Variants in NR1D2 observed in about 807,000 individuals in gnomAD.
NR1D2 encodes the protein V-erbA-related protein 1-related.
A neutral mutation model predicts 52.2 loss-of-function variants in NR1D2; 25 were observed. The ratio of observed to expected loss-of-function variants is 0.48; its 90% CI spans 0.35 to 0.67. The LOEUF (loss-of-function observed/expected upper bound fraction) is 0.67, where lower values mean the gene tolerates loss of function less well. Among genes scored for constraint, NR1D2 ranks in the 30% least tolerant of loss-of-function variants. The probability of loss-of-function intolerance (pLI) is 0.01; values close to 1 mark genes in which losing one functional copy is unlikely to be tolerated. For missense variants in NR1D2, 681 were observed against 707.2 expected (o/e 0.96, Z 0.42); for synonymous variants, 259 against 230.1 (o/e 1.13, Z -1.14).
chr3:23,946,289 G>C, intron 1 of NR1D2: 14 of 985,512 alleles, frequency 1.4e-5, no homozygotes, highest in Non-Finnish European at 1.6e-5. Context: ...CAAACCAAAC[G>C]AACCGGCGCC....
Position 23,962,087 on chromosome 3 carries a change from G to T in NR1D2, c.628G>T (p.Asp210Tyr). 1 of 1,614,170 alleles carries T rather than the reference G, an allele frequency of 6.2e-7. No individual in the cohort carries two copies. The highest frequency in any genetic ancestry group is 8.5e-7 in the Non-Finnish European group (1 of 1,180,022). ...NSQFSGHLQN[D>Y]TLVEHHEQTA... ...CCAGTTCAGTGGTCACTTGCAAAAT[G>T]ACACATTAGTAGAACATCATGAACA... The change falls in exon 5 of 8, where the codon GAC (aspartate) becomes TAC (tyrosine). Residue 210 changes from aspartate (D) to tyrosine (Y), a missense_variant. Physicochemically the swap from Asp to Tyr is radical, Grantham distance 160 (BLOSUM62 -3). Around this residue, in one of 3 missense-constraint regions of NR1D2, gnomAD observed 475 missense variants for 454.5 expected, o/e 1.05. Coordinates refer to ENST00000312521, the MANE Select transcript of NR1D2 (RefSeq NM_005126.5).
At chr3:23,949,509 C>G (rs1016102407) in intron 1 of NR1D2, among the ~76,000 whole-genome samples, 3 of 152,220 alleles carry the variant, frequency 2.0e-5, no homozygotes, top group African/African-American at 7.2e-5. Flanking sequence ...TTTCTGCCCT[C>G]TTTAGTATGA....
chr3:23,950,545 C>G (rs979860098), intron 1 of NR1D2, among the ~76,000 whole-genome samples: 3 of 152,166 alleles, frequency 2.0e-5, no homozygotes, highest in Admixed American at 2.0e-4. Context: ...TAAAATTTAA[C>G]CCATTTGGGT....
In NR1D2 at chr3:23,954,528, A is replaced by C; in HGVS notation, c.17-9A>C. On this transcript the variant is annotated splice_polypyrimidine_tract_variant and intron_variant, in intron 1 of 7. Transcript: ENST00000312521. ...TATCTAATTATGTGATTTTCCTCCT[A>C]TTTTCTAGGAGGTGTGATTGCCTAT... 1 of 1,607,420 alleles carries C rather than the reference A, an allele frequency of 6.2e-7. No homozygotes were observed. Among genetic ancestry groups the C allele is most frequent in the South Asian group, 1.1e-5 (1 of 90,760 alleles).
At chr3:23,964,560 T>A (rs892782347) in intron 5 of NR1D2, among the ~76,000 whole-genome samples, 1 of 152,216 alleles carries the variant, frequency 6.6e-6, no homozygotes, top group African/African-American at 2.4e-5. Context: ...TCTCAGAGTC[T>A]CATTTCTCCA....
chr3:23,951,653 C>G (rs569110232), intron 1 of NR1D2, among the ~76,000 whole-genome samples: 29 of 152,280 alleles, frequency 1.9e-4, no homozygotes, highest in African/African-American at 6.7e-4. Flanking sequence ...GCGGTTGTAT[C>G]GATGAAATCA....
At chr3:23,976,986 CAG>C (rs1706742917) in intron 7 of NR1D2, among the ~76,000 whole-genome samples, 1 of 140,116 alleles carries the variant, frequency 7.1e-6, no homozygotes, top group African/African-American at 2.7e-5. Context: ...AAATTCTTAA[CAG>C]TAAAGAATTT....
At position 23,954,651 on chromosome 3, in the gene NR1D2, C is replaced by G. The variant is rs776481412; in HGVS notation, c.131C>G (p.Pro44Arg). ...TCCTCCTCTTCTGTTCCATCTTCTC[C>G]AAATAGCTCTAATTCTGATACCAAT... Reference protein sequence around the residue: ...QSSSSSVPSSPNSSNSDTNGN... With the variant: ...QSSSSSVPSSRNSSNSDTNGN... Residue 44 changes from proline (P) to arginine (R), a missense_variant, in exon 2 of 8, where the codon CCA becomes CGA. Pro to Arg is a moderately radical substitution (Grantham distance 103, BLOSUM62 -2). Coordinates refer to ENST00000312521, the MANE Select transcript of NR1D2 (RefSeq NM_005126.5). 6.2e-7 allele frequency: 1 copy of G among 1,614,084 alleles called. No homozygotes were observed. The highest frequency in any genetic ancestry group is 8.5e-7 in the Non-Finnish European group (1 of 1,179,972).
chr3:23,957,719 G>A (rs1399518248), intron 3 of NR1D2, among the ~76,000 whole-genome samples: 5 of 149,216 alleles, frequency 3.4e-5, no homozygotes, highest in South Asian at 4.2e-4. Flanking sequence ...GCCAGATTCC[G>A]TCTCAAAAAA....
rs560517325 is a variant in NR1D2 at position 23,957,596 on chromosome 3, G to A, written c.372+1471G>A. ...AAATTAGCCGGACGTAGTGGTGGGC[G>A]CCTGTAGTCCCAGCTACTCGGGAGG... On this transcript the variant is annotated intron_variant, in intron 3 of 7. Transcript: ENST00000312521. Among the ~76,000 whole-genome samples the A allele has an allele frequency of 4.2e-4, 63 of 151,344 alleles. 1 individual carries two copies. In the East Asian group the frequency reaches 0.011, roughly 27 times the overall value.
chr3:23,971,559 G>T (rs915634138), intron 7 of NR1D2, among the ~76,000 whole-genome samples: 1 of 152,018 alleles, frequency 6.6e-6, no homozygotes, highest in Non-Finnish European at 1.5e-5. Flanking sequence ...GTGAGCCACC[G>T]TGCCCAGCCT....
chr3:23,949,615 G>T (rs1378844390), intron 1 of NR1D2, among the ~76,000 whole-genome samples: 1 of 152,212 alleles, frequency 6.6e-6, no homozygotes, highest in African/African-American at 2.4e-5. Flanking sequence ...AAAGGACCAT[G>T]CTGTTCTCTG....
intron 1 of NR1D2, among the ~76,000 whole-genome samples, chr3:23,947,398 C>G (rs1478215400): frequency 1.3e-5 from 2 of 152,216 alleles, no homozygotes; most frequent in Non-Finnish European, 2.9e-5. Context: ...CAGTTCTCAT[C>G]TCTTTGTCCT....
chr3:23,953,182 A>C (rs1705989231), intron 1 of NR1D2, among the ~76,000 whole-genome samples: 1 of 151,644 alleles, frequency 6.6e-6, no homozygotes, highest in South Asian at 2.1e-4. Flanking sequence ...ACTAAAAAAA[A>C]AAATACAAAA....
chr3:23,946,061 G>A (rs1575141377), intron 1 of NR1D2: 1 of 976,534 alleles, frequency 1.0e-6, no homozygotes, highest in Non-Finnish European at 1.2e-6. Flanking sequence ...TGGGAGCGCC[G>A]CAGCCTCCCG....
At chr3:23,974,369 C>T (rs908298538) in intron 7 of NR1D2, among the ~76,000 whole-genome samples, 4 of 152,054 alleles carry the variant, frequency 2.6e-5, no homozygotes, top group Non-Finnish European at 4.4e-5. Flanking sequence ...TATGATGTTA[C>T]GACAACAAAA....
chr3:23,946,188 G>A, intron 1 of NR1D2: 1 of 985,382 alleles, frequency 1.0e-6, no homozygotes, highest in Non-Finnish European at 1.2e-6. Context: ...AGCCCCCGCG[G>A]CGGGGCGTCC....
In NR1D2 at chr3:23,945,460, G is replaced by C. The variant is rs1345743675; in HGVS notation, c.-119G>C. 1 of 481,584 alleles carries C rather than the reference G, an allele frequency of 2.1e-6. No homozygotes were observed. The highest frequency in any genetic ancestry group is 2.1e-5 in the African/African-American group (1 of 47,588). 29.8% of individuals were successfully genotyped at this position (481,584 alleles called of 1,614,324 possible). A position where few individuals can be genotyped will look rare whatever the true frequency, so the allele number is the denominator to read the frequency against. On this transcript the variant is annotated 5_prime_UTR_variant, in exon 1 of 8. An upstream start codon of the reference 5' UTR is lost. Coordinates refer to ENST00000312521, the MANE Select transcript of NR1D2 (RefSeq NM_005126.5). ...CGGGAGCCCCGCCCGCTCTGCCCATGAGGGGGCCCCGCGACCACCGCTGCT... is the reference window on the plus strand; with the variant it reads ...CGGGAGCCCCGCCCGCTCTGCCCATCAGGGGGCCCCGCGACCACCGCTGCT...
intron 3 of NR1D2, among the ~76,000 whole-genome samples, chr3:23,958,849 T>A (rs1292156744): frequency 2.0e-5 from 3 of 152,126 alleles, no homozygotes. Flanking sequence ...CTGGGGAGGC[T>A]GAGGCAGGAG....
Sources: gnomAD v4.1 joint callset for allele counts (sites outside exome capture counted in the v4.1 genomes callset) on GRCh38, gnomAD v4.1.1 for gene constraint, gnomAD v4.1.1 regional missense constraint, MANE v1.5 for transcripts, NCBI Gene and HGNC (gene_info 2026-07-23, HGNC 2026-07-21) for gene names.